LRRC56: variants seen among roughly 807,000 people sequenced by gnomAD.
LRRC56 encodes the protein leucine rich repeat containing 56.
LRRC56 carries 41 observed loss-of-function variants against 47.8 expected under a neutral mutation model. That is an observed-to-expected ratio of 0.86 (90% confidence interval 0.67 to 1.11). The LOEUF is 1.11. Ranked by LOEUF, LRRC56 falls within the 50% of genes most tolerant of loss-of-function variation. The probability of loss-of-function intolerance (pLI) is 0.00; values close to 1 mark genes in which losing one functional copy is unlikely to be tolerated. For synonymous variants in LRRC56, 387 were observed against 311.2 expected, an observed-to-expected ratio of 1.24 and a Z score of -2.56; for missense variants, 759 against 704.2, an observed-to-expected ratio of 1.08 and a Z score of -0.88.
At chr11:533,205 C>T (rs916072009), upstream of LRRC56, 2 of 1,344,888 alleles carry the variant, frequency 1.5e-6, no homozygotes, top group Admixed American at 4.2e-5. Context: ...TGTGTCGGCC[C>T]AGGACTGCAG....
intron 1 of LRRC56, among the ~76,000 whole-genome samples, chr11:538,010 A>T (rs1245694496): frequency 1.3e-5 from 2 of 152,106 alleles, no homozygotes; most frequent in African/African-American, 4.8e-5. Context: ...GGGTGTGGAG[A>T]CAGGCCCCCC....
chr11:554,197 G>A lies in LRRC56; in HGVS notation c.1550G>A (p.Gly517Asp), dbSNP rs779494932. ...RLSPRAQGCP[G>D]PKPAPDAAAR... ...AGCCCTCGAGCCCAGGGATGTCCTG[G>A]CCCAAAGCCAGCACCAGATGCAGCA... The change falls in exon 14 of 14, where the codon GGC becomes GAC. Residue 517 changes from glycine to aspartate, a missense_variant. By Grantham distance (94) the Gly-to-Asp change is moderately conservative. Coordinates refer to ENST00000270115, the MANE Select transcript of LRRC56 (RefSeq NM_198075.4). The A allele has an allele frequency of 2.4e-5, 37 of 1,556,310 alleles. No individual in the cohort carries two copies. In the East Asian group the frequency reaches 4.8e-4, roughly 20 times the overall value.
chr11:552,049 C>T, intron 11 of LRRC56, 41 bp from the exon 12 acceptor site: 1 of 1,604,596 alleles, frequency 6.2e-7, no homozygotes, highest in Non-Finnish European at 8.5e-7. Flanking sequence ...TGCCGCCATT[C>T]CAGGGCCAGA....
upstream of LRRC56, chr11:534,323 C>T (rs1851322337): frequency 4.3e-6 from 7 of 1,611,214 alleles, no homozygotes; most frequent in East Asian, 4.5e-5. Flanking sequence ...ATTCCGTCAT[C>T]GCTCCTCAGG....
chr11:530,484 G>C, the LRRC56 span, among the ~76,000 whole-genome samples: 1 of 143,552 alleles, frequency 7.0e-6, no homozygotes, highest in Non-Finnish European at 1.5e-5. Context: ...CGAGTGTGGC[G>C]TCCCCTGGAG....
chr11:526,348 G>C, the LRRC56 span, among the ~76,000 whole-genome samples: 1 of 152,148 alleles, frequency 6.6e-6, no homozygotes, highest in Non-Finnish European at 1.5e-5. Context: ...AAACCATAAC[G>C]AGATCCCGCA....
At chr11:534,097 A>G, upstream of LRRC56, 1 of 1,162,896 alleles carries the variant, frequency 8.6e-7, no homozygotes. Flanking sequence ...AGGAAGCAGG[A>G]GACAGGGCCA....
intron 13 of LRRC56, among the ~76,000 whole-genome samples, chr11:553,499 G>C (rs546912716): frequency 6.6e-6 from 1 of 152,260 alleles, no homozygotes; most frequent in Admixed American, 6.5e-5. Context: ...AGGGCAGGCA[G>C]GGCGGCCAGG....
At chr11:525,350 T>C in the LRRC56 span, among the ~76,000 whole-genome samples, 22 of 151,768 alleles carry the variant, frequency 1.4e-4, no homozygotes, top group South Asian at 2.1e-4. Context: ...CCATCCTGGC[T>C]AACACGGTGA....
chr11:525,344 C>T, the LRRC56 span, among the ~76,000 whole-genome samples: 5 of 151,982 alleles, frequency 3.3e-5, no homozygotes, highest in Non-Finnish European at 7.4e-5. Context: ...TCGAGACCAT[C>T]CTGGCTAACA....
At position 552,084 on chromosome 11, in the gene LRRC56, C is replaced by T. The variant is rs1319337070; in HGVS notation, c.1039-6C>T. The T allele has an allele frequency of 2.5e-6, 4 of 1,609,276 alleles. No homozygotes were observed. The highest frequency in any genetic ancestry group is 3.4e-6 in the Non-Finnish European group (4 of 1,177,306). ...AATCCCTAAAGCAGTCCCTTTTCCTCCCCAGGCCAGGGAGCCCCCCGAGCA... is the reference window on the plus strand; with the variant it reads ...AATCCCTAAAGCAGTCCCTTTTCCTTCCCAGGCCAGGGAGCCCCCCGAGCA... On this transcript the variant is annotated splice_polypyrimidine_tract_variant and splice_region_variant and intron_variant, in intron 11 of 13. Transcript: ENST00000270115.
At chr11:535,836 CAT>C (rs1196461485), upstream of LRRC56, among the ~76,000 whole-genome samples, 2 of 152,024 alleles carry the variant, frequency 1.3e-5, no homozygotes, top group African/African-American at 2.4e-5. Flanking sequence ...CCCGGGGCGG[CAT>C]CTCCGAGCAG....
the LRRC56 span, among the ~76,000 whole-genome samples, chr11:509,257 A>T: frequency 6.6e-6 from 1 of 152,216 alleles, no homozygotes; most frequent in Non-Finnish European, 1.5e-5. Flanking sequence ...AGCTGGAAGG[A>T]TGCCGCCAGT....
upstream of LRRC56, chr11:533,837 G>A (rs749870259): frequency 2.9e-5 from 47 of 1,613,262 alleles, no homozygotes; most frequent in Non-Finnish European, 3.1e-5. Flanking sequence ...CCTCCCCGGT[G>A]CGCATGTACT....
At chr11:514,706 A>G in the LRRC56 span, among the ~76,000 whole-genome samples, 8 of 152,182 alleles carry the variant, frequency 5.3e-5, no homozygotes, top group African/African-American at 1.9e-4. Context: ...ATTGTTTTGT[A>G]AACATAATGT....
chr11:533,813 C>G (rs2133990247), upstream of LRRC56: 1 of 1,613,402 alleles, frequency 6.2e-7, no homozygotes. Context: ...TGATGGCAAA[C>G]ACACACAGGA....
chr11:538,536 G>A (rs1174424952), intron 1 of LRRC56, 62 bp from the exon 2 acceptor site: 1 of 152,272 alleles, frequency 6.6e-6, no homozygotes, highest in African/African-American at 2.4e-5. Context: ...AGGCCAGTGA[G>A]GCACCCAGAG....
chr11:537,595 T>C lies in LRRC56; in HGVS notation c.-432T>C, dbSNP rs989571193. 3.3e-5 allele frequency: 5 copies of C among 152,286 alleles called. No homozygotes were observed. The highest frequency in any genetic ancestry group is 9.6e-5 in the African/African-American group (4 of 41,460). The allele number at this position is 152,286 out of a possible 1,614,324, so 9.4% of individuals were successfully genotyped here. On this transcript the variant is annotated 5_prime_UTR_variant, in exon 1 of 14. Coordinates refer to ENST00000270115, the MANE Select transcript of LRRC56 (RefSeq NM_198075.4). ...AGCTGCCAGGGCCGGACACCTAGGC[T>C]GAGCCCTCAGGTGAGAGCCGAGCGC...
chr11:539,027 G>A (rs1271011306), intron 2 of LRRC56, among the ~76,000 whole-genome samples, 167 bp downstream of exon 2: 3 of 152,188 alleles, frequency 2.0e-5, no homozygotes, highest in Admixed American at 6.5e-5. Flanking sequence ...GTCACTCCAC[G>A]CCTGGAGCTC....
Sources: allele counts gnomAD v4.1 joint callset (sites outside exome capture counted in the v4.1 genomes callset), GRCh38; gene constraint gnomAD v4.1.1; transcripts MANE v1.5; gene names NCBI Gene and HGNC (gene_info 2026-07-23, HGNC 2026-07-21).